The following HYDIN variants were observed in gnomAD, a reference collection of about 807,000 sequenced individuals.
HYDIN encodes the protein HYDIN axonemal central pair apparatus protein.
HYDIN carries 132 observed loss-of-function variants against 403.9 expected under a neutral mutation model. That is an observed-to-expected ratio of 0.33 (90% CI 0.28 to 0.38). HYDIN has a LOEUF of 0.38. HYDIN is among the 10% of genes least tolerant of loss of function. The probability of loss-of-function intolerance (pLI) is 1.00; values close to 1 mark genes in which losing one functional copy is unlikely to be tolerated. For missense variants in HYDIN, 2,827 were observed against 5,009.5 expected, an observed-to-expected ratio of 0.56 and a Z score of 13.15; for synonymous variants, 1,202 against 1,891.7, an observed-to-expected ratio of 0.64 and a Z score of 9.46.
intron 1 of HYDIN, among the ~76,000 whole-genome samples, chr16:71,206,839 C>T (rs182235195): frequency 1.2e-4 from 19 of 152,180 alleles, no homozygotes; most frequent in South Asian, 4.2e-4. Flanking sequence ...GCTTGAAGAC[C>T]GACTTTCTGA....
chr16:71,047,900 C>T (rs2081504496), intron 18 of HYDIN, among the ~76,000 whole-genome samples: 2 of 152,030 alleles, frequency 1.3e-5, no homozygotes, highest in Admixed American at 1.3e-4. Flanking sequence ...TATTGTTAAC[C>T]AGTCACCCCA....
chr16:71,059,379 C>G (rs945518374), intron 18 of HYDIN, among the ~76,000 whole-genome samples: 1 of 152,038 alleles, frequency 6.6e-6, no homozygotes, highest in African/African-American at 2.4e-5. Flanking sequence ...TATGCAAATG[C>G]CATTTATTGA....
intron 66 of HYDIN, among the ~76,000 whole-genome samples, 196 bp from the exon 67 acceptor site, chr16:70,866,525 T>G (rs1467451047): frequency 6.6e-6 from 1 of 152,154 alleles, no homozygotes; most frequent in African/African-American, 2.4e-5. Context: ...ATTAGTCATC[T>G]AGATGAAAAA....
At chr16:70,808,923 C>T (rs2035277564) in intron 85 of HYDIN, among the ~76,000 whole-genome samples, 1 of 152,194 alleles carries the variant, frequency 6.6e-6, no homozygotes, top group South Asian at 2.1e-4. Context: ...ACCAAAACAG[C>T]TCCCTTCAGA....
intron 23 of HYDIN, among the ~76,000 whole-genome samples, chr16:71,011,239 A>T (rs1026300522): frequency 3.3e-5 from 5 of 151,980 alleles, no homozygotes; most frequent in Non-Finnish European, 7.4e-5. Flanking sequence ...GCATGTTAAG[A>T]TACACTTCAT....
At chr16:71,212,330 T>G (rs2088636978) in intron 1 of HYDIN, among the ~76,000 whole-genome samples, 4 of 152,182 alleles carry the variant, frequency 2.6e-5, no homozygotes, top group Admixed American at 2.6e-4. Context: ...AGTCATAAAC[T>G]TACTTTCAAA....
At chr16:70,843,525 C>T (rs2037984437) in intron 75 of HYDIN, among the ~76,000 whole-genome samples, 1 of 140,668 alleles carries the variant, frequency 7.1e-6, no homozygotes, top group Admixed American at 6.9e-5. Context: ...GTCTTTATAG[C>T]AGCATGATTT....
At chr16:71,094,827 C>A (rs2083228160) in intron 10 of HYDIN, among the ~76,000 whole-genome samples, 1 of 152,162 alleles carries the variant, frequency 6.6e-6, no homozygotes, top group African/African-American at 2.4e-5. Context: ...TTGGATGGGG[C>A]CTGTCAGCAA....
rs1196890103 is a variant in HYDIN at position 70,804,604 on chromosome 16, A to T, written c.*2976T>A. On this transcript the variant is annotated 3_prime_UTR_variant, in exon 86 of 86. Coordinates refer to ENST00000393567, the MANE Select transcript of HYDIN (RefSeq NM_001270974.2). ...GTTGTTTCACTGGTACACAGGACCA[A>T]GAATAAATATCTCAAACGGAAAACT... Among the ~76,000 whole-genome samples, 1 of 150,586 alleles carries T rather than the reference A, an allele frequency of 6.6e-6. No individual in the cohort carries two copies. The highest frequency in any genetic ancestry group is 1.5e-5 in the Non-Finnish European group (1 of 67,732).
At chr16:71,105,248 C>T (rs1211928134) in intron 10 of HYDIN, among the ~76,000 whole-genome samples, 3 of 151,714 alleles carry the variant, frequency 2.0e-5, no homozygotes, top group Non-Finnish European at 4.4e-5. Flanking sequence ...ACCCAGAATA[C>T]ATCATAGTGA....
chr16:70,940,642 G>A (rs2077640651), intron 43 of HYDIN, among the ~76,000 whole-genome samples: 1 of 152,238 alleles, frequency 6.6e-6, no homozygotes, highest in Non-Finnish European at 1.5e-5. Flanking sequence ...TGAGCTTTCT[G>A]GAAAACTAGG....
chr16:71,194,780 T>C (rs1253721588), intron 1 of HYDIN, among the ~76,000 whole-genome samples: 1 of 152,236 alleles, frequency 6.6e-6, no homozygotes, highest in Non-Finnish European at 1.5e-5. Flanking sequence ...AGGTCTACAG[T>C]CATCTGAAGG....
chr16:71,066,617 G>T, intron 15 of HYDIN: 1 of 242,070 alleles, frequency 4.1e-6, no homozygotes, highest in South Asian at 5.0e-5. Flanking sequence ...ATTTTATTTG[G>T]GATCACATCA....
In HYDIN at chr16:70,863,124, T is replaced by C; in HGVS notation, c.11530A>G (p.Thr3844Ala). 1 of 1,614,160 alleles carries C rather than the reference T, an allele frequency of 6.2e-7. No individual in the cohort carries two copies. The highest frequency in any genetic ancestry group is 8.5e-7 in the Non-Finnish European group (1 of 1,180,000). ...TTTGCAAAGCTGACTGCCTTTGAGG[T>C]ATCTTCTGAGACCCAGCTGAATTCC... Reference protein sequence around the residue: ...QLEFSWVSEDTSKAVSFAKPD... With the variant: ...QLEFSWVSEDASKAVSFAKPD... Residue 3844 changes from threonine (T) to alanine (A), a missense_variant, in exon 68 of 86, where the codon ACC becomes GCC. Thr to Ala is a moderately conservative substitution (Grantham distance 58, BLOSUM62 0). Coordinates refer to ENST00000393567, the MANE Select transcript of HYDIN (RefSeq NM_001270974.2).
intron 10 of HYDIN, among the ~76,000 whole-genome samples, chr16:71,109,584 A>G (rs195672): frequency 7.9e-6 from 1 of 127,358 alleles, no homozygotes; most frequent in Admixed American, 7.1e-5. Flanking sequence ...GAAAAGACAC[A>G]GAGAATTGCA....
intron 1 of HYDIN, among the ~76,000 whole-genome samples, chr16:71,195,875 C>A (rs2087674593): frequency 6.6e-6 from 1 of 152,110 alleles, no homozygotes; most frequent in Non-Finnish European, 1.5e-5. Context: ...ACAAAATGAA[C>A]TGCTTCTCCA....
At chr16:71,051,207 G>C (rs1020908677) in intron 18 of HYDIN, among the ~76,000 whole-genome samples, 5 of 152,080 alleles carry the variant, frequency 3.3e-5, no homozygotes, top group African/African-American at 1.2e-4. Context: ...TAACAGATAA[G>C]GAAAAAAATC....
rs2035095814 is a variant in HYDIN, at chr16:70,806,150, T to C, written c.*1430A>G. On this transcript the variant is annotated 3_prime_UTR_variant, in exon 86 of 86. Coordinates refer to ENST00000393567, the MANE Select transcript of HYDIN (RefSeq NM_001270974.2). ...TGATGCTGGCATATTATTATAATTA[T>C]TACATTTTATTATTATTATTGTTAA... is the stretch of plus-strand genomic sequence containing the variant. Among the ~76,000 whole-genome samples, 1 of 152,230 alleles carries C rather than the reference T, an allele frequency of 6.6e-6. No individual in the cohort carries two copies. The highest frequency in any genetic ancestry group is 2.1e-4 in the South Asian group (1 of 4,828).
intron 62 of HYDIN, among the ~76,000 whole-genome samples, chr16:70,875,563 T>C (rs2040395291): frequency 1.3e-5 from 2 of 152,096 alleles, no homozygotes; most frequent in South Asian, 2.1e-4. Flanking sequence ...ATACAAAATA[T>C]GAGGCATGGA....
Sources: gnomAD v4.1 joint callset for allele counts (sites outside exome capture counted in the v4.1 genomes callset) on GRCh38, gnomAD v4.1.1 for gene constraint, MANE v1.5 for transcripts, NCBI Gene and HGNC (gene_info 2026-07-23, HGNC 2026-07-21) for gene names.